KIF13B: variants seen among roughly 807,000 people sequenced by gnomAD.
The protein encoded by KIF13B is kinesin family member 13B, also known as kinesin-like protein KIF13B.
Under a neutral mutation model 222.0 loss-of-function variants are expected in KIF13B, and 127 were observed. The observed-to-expected ratio is 0.57, with a 90% CI of 0.50 to 0.66. The LOEUF (loss-of-function observed/expected upper bound fraction) is 0.66, where lower values mean the gene tolerates loss of function less well. Ranked by LOEUF, KIF13B falls within the 30% of genes least tolerant of loss-of-function variation. KIF13B has a pLI of 0.00. For synonymous variants in KIF13B, 976 were observed against 919.0 expected, an observed-to-expected ratio of 1.06 and a Z score of -1.12; for missense variants, 2,173 against 2,379.0, an observed-to-expected ratio of 0.91 and a Z score of 1.80.
intron 3 of KIF13B, 106 bp downstream of exon 3, chr8:29,196,081 C>G (rs1813405310): frequency 9.8e-7 from 1 of 1,025,332 alleles, no homozygotes; most frequent in Non-Finnish European, 1.5e-6. Context: ...ATTACTTGTA[C>G]AAAATGATAG....
At chr8:29,215,137 A>G (rs576394396) in intron 2 of KIF13B, among the ~76,000 whole-genome samples, 37 of 152,128 alleles carry the variant, frequency 2.4e-4, no homozygotes, top group Middle Eastern at 3.4e-3. Context: ...GTCCTCATGA[A>G]GCCCTGTCTT....
At chr8:29,102,701 G>A (rs1441962488) in intron 35 of KIF13B, among the ~76,000 whole-genome samples, 1 of 152,182 alleles carries the variant, frequency 6.6e-6, no homozygotes, top group Non-Finnish European at 1.5e-5. Flanking sequence ...GGGTCCAATG[G>A]CAGCTTTCAC....
chr8:29,240,624 T>C (rs538362811), intron 2 of KIF13B, among the ~76,000 whole-genome samples: 2 of 152,376 alleles, frequency 1.3e-5, no homozygotes, highest in East Asian at 1.9e-4. Context: ...TACTGCTCAA[T>C]AGAGAAGTAT....
chr8:29,125,363 G>C (rs191717183), intron 26 of KIF13B, among the ~76,000 whole-genome samples: 1 of 152,228 alleles, frequency 6.6e-6, no homozygotes, highest in Admixed American at 6.5e-5. Context: ...AGTGTGTCTG[G>C]GCTTTACTAG....
At chr8:29,126,947 A>AT (rs1291731057) in intron 25 of KIF13B, among the ~76,000 whole-genome samples, 175 bp downstream of exon 25, 1 of 152,214 alleles carries the variant, frequency 6.6e-6, no homozygotes, top group African/African-American at 2.4e-5. Context: ...AAAACCAGTA[A>AT]TACAGTCCGA....
chr8:29,196,138 A>C, intron 3 of KIF13B, 49 bp downstream of exon 3: 1 of 1,459,356 alleles, frequency 6.9e-7, no homozygotes. Flanking sequence ...GTTCAACAAC[A>C]TGCATATAAG....
At chr8:29,107,740 T>C (rs1483965315) in intron 35 of KIF13B, among the ~76,000 whole-genome samples, 3 of 152,036 alleles carry the variant, frequency 2.0e-5, no homozygotes, top group East Asian at 3.9e-4. Flanking sequence ...TTTTGTATTT[T>C]TAGTAGAGAC....
At chr8:29,105,398 T>C (rs955355950) in intron 35 of KIF13B, among the ~76,000 whole-genome samples, 2 of 152,208 alleles carry the variant, frequency 1.3e-5, no homozygotes, top group African/African-American at 2.4e-5. Context: ...CCTGCCTGTG[T>C]GGACCTCAGT....
intron 5 of KIF13B, among the ~76,000 whole-genome samples, chr8:29,187,884 G>A (rs4732914): frequency 1.3e-5 from 2 of 152,152 alleles, no homozygotes; most frequent in Non-Finnish European, 2.9e-5. Context: ...AGATAAGGAC[G>A]CTGAAGGGCA....
chr8:29,260,650 C>T (rs1816646547), intron 1 of KIF13B, among the ~76,000 whole-genome samples: 1 of 151,096 alleles, frequency 6.6e-6, no homozygotes, highest in African/African-American at 2.4e-5. Flanking sequence ...GAGTTTCACT[C>T]TTGTCGCCCA....
At chr8:29,190,684 T>G (rs76106917) in intron 4 of KIF13B, 6,963 of 314,574 alleles carry the variant, frequency 0.022, 476 homozygotes, top group African/African-American at 0.14. Flanking sequence ...GGCCTGGACC[T>G]GCGCTGGTGG....
intron 30 of KIF13B, among the ~76,000 whole-genome samples, chr8:29,117,673 C>A (rs1285062517): frequency 6.6e-6 from 1 of 152,178 alleles, no homozygotes; most frequent in South Asian, 2.1e-4. Flanking sequence ...TCAAGTTTCG[C>A]TTCTTAGGGA....
At position 29,071,480 on chromosome 8, in the gene KIF13B, C is replaced by T. The variant is rs1807271370; in HGVS notation, c.5218+140G>A. Reference sequence around the variant, plus strand: ...CCAGCCTCACCCCTGCAGGCCCAGCCGCTCCCGCAGCTTCAGCCAAGCCGC... The same window carrying T: ...CCAGCCTCACCCCTGCAGGCCCAGCTGCTCCCGCAGCTTCAGCCAAGCCGC... On this transcript the variant is annotated intron_variant, in intron 39 of 39. Transcript: ENST00000524189. The surrounding 1 kb of genome is among the most constrained non-coding windows in gnomAD (Gnocchi z 4.9). 5 of 717,334 alleles carry T rather than the reference C, an allele frequency of 7.0e-6. No individual in the cohort carries two copies. The East Asian group carries it at 1.1e-4, about 16-fold the overall frequency. 44.4% of individuals were successfully genotyped at this position (717,334 alleles called of 1,614,324 possible).
chr8:29,221,618 A>C (rs543071047), intron 2 of KIF13B, among the ~76,000 whole-genome samples: 1 of 152,246 alleles, frequency 6.6e-6, no homozygotes, highest in Non-Finnish European at 1.5e-5. Context: ...TTTTAATATG[A>C]ATCTTAATTA....
At chr8:29,180,028 A>T in intron 8 of KIF13B, 76 bp downstream of exon 8, 1 of 1,533,870 alleles carries the variant, frequency 6.5e-7, no homozygotes, top group South Asian at 1.2e-5. Flanking sequence ...AATTCATCTA[A>T]CACCTGAAGA....
At chr8:29,180,454 G>C (rs1325097997) in intron 7 of KIF13B, among the ~76,000 whole-genome samples, 1 of 152,114 alleles carries the variant, frequency 6.6e-6, no homozygotes, top group Non-Finnish European at 1.5e-5. Flanking sequence ...CAGGTACAGA[G>C]GTGGCAGCCT....
intron 14 of KIF13B, among the ~76,000 whole-genome samples, chr8:29,153,173 C>G (rs2130043732): frequency 6.6e-6 from 1 of 152,208 alleles, no homozygotes; most frequent in South Asian, 2.1e-4. Context: ...TTTAAAAGTT[C>G]TAAATTTGTT....
chr8:29,098,028 TG>T (rs1808613350), intron 36 of KIF13B, among the ~76,000 whole-genome samples: 1 of 151,312 alleles, frequency 6.6e-6, no homozygotes, highest in Non-Finnish European at 1.5e-5. Flanking sequence ...AAAATTAGCT[TG>T]GCATGGTGGC....
chr8:29,247,019 T>C (rs752790772), intron 1 of KIF13B, among the ~76,000 whole-genome samples: 143 of 152,186 alleles, frequency 9.4e-4, no homozygotes, highest in Non-Finnish European at 1.7e-3. Context: ...TATATCCACA[T>C]GGCTTTGGAT....
Sources: allele counts gnomAD v4.1 joint callset (sites outside exome capture counted in the v4.1 genomes callset), GRCh38; gene constraint gnomAD v4.1.1; non-coding constraint Gnocchi (gnomAD v3.1); transcripts MANE v1.5; gene names NCBI Gene and HGNC (gene_info 2026-07-23, HGNC 2026-07-21).